SLC12A5: variants seen among roughly 807,000 people sequenced by gnomAD.
SLC12A5 encodes the protein solute carrier family 12 member 5, also known as K-Cl cotransporter 2.
A neutral mutation model predicts 124.0 loss-of-function variants in SLC12A5; 18 were observed. The ratio of observed to expected loss-of-function variants is 0.15; its 90% CI spans 0.10 to 0.22. The LOEUF (loss-of-function observed/expected upper bound fraction) is 0.22. Among genes scored for constraint, SLC12A5 ranks in the 10% least tolerant of loss-of-function variants. The pLI is 1.00. For missense variants in SLC12A5, 867 were observed against 1,478.7 expected, an observed-to-expected ratio of 0.59 and a Z score of 6.78; for synonymous variants, 589 against 568.0, an observed-to-expected ratio of 1.04 and a Z score of -0.53.
At position 46,042,537 on chromosome 20, in the gene SLC12A5, G is replaced by C. The variant is rs148435798; in HGVS notation, c.1067-616G>C. Reference sequence around the variant, plus strand: ...GACGTTTTTGGTTGTCAAAACTGGAGGGGTGTACCTGGCATCTAGTAGGTA... The same window carrying C: ...GACGTTTTTGGTTGTCAAAACTGGACGGGTGTACCTGGCATCTAGTAGGTA... On this transcript the variant is annotated intron_variant, in intron 8 of 25. Coordinates refer to ENST00000243964, the MANE Select transcript of SLC12A5 (RefSeq NM_020708.5). 3.6e-3 allele frequency among the ~76,000 whole-genome samples: 542 copies of C among 152,194 alleles called. 6 individuals carry two copies. The highest frequency in any genetic ancestry group is 0.013 in the African/African-American group (527 of 41,516).
Position 46,051,854 on chromosome 20 carries a change from G to C in SLC12A5, c.2361G>C (p.Thr787=). The C allele has an allele frequency of 6.4e-7, 1 of 1,569,972 alleles. No individual in the cohort carries two copies. The highest frequency in any genetic ancestry group is 8.6e-7 in the Non-Finnish European group (1 of 1,161,772). Residue 787 remains threonine (T), a synonymous_variant, in exon 18 of 26, where the codon ACG becomes ACC. Coordinates refer to ENST00000243964, the MANE Select transcript of SLC12A5 (RefSeq NM_020708.5). ...GGCGCCAGAAGGAAGATCATCAGAC[G>C]TGGAGGAACTTCATTGGTAACGCTA... ...RNWRQKEDHQ[T]WRNFIELVRE...
intron 9 of SLC12A5, 69 bp downstream of exon 9, chr20:46,043,392 G>A (rs1013449769): frequency 6.4e-7 from 1 of 1,554,068 alleles, no homozygotes; most frequent in African/African-American, 1.4e-5. Context: ...CGATGATGAT[G>A]TTGGGAATTT....
rs774598379 is a variant in SLC12A5 at position 46,044,956 on chromosome 20, A to G, written c.1395-10A>G. On this transcript the variant is annotated splice_polypyrimidine_tract_variant and intron_variant, in intron 11 of 25. Coordinates refer to ENST00000243964, the MANE Select transcript of SLC12A5 (RefSeq NM_020708.5). ...TGCTCACCTGGCATCTCCTGTCCAC[A>G]TCATTCCAGGTTTGGCGAAGCTGTG... 1 of 1,614,202 alleles carries G rather than the reference A, an allele frequency of 6.2e-7. No homozygotes were observed. The highest frequency in any genetic ancestry group is 1.7e-5 in the Admixed American group (1 of 60,024).
chr20:46,045,919 C>A lies in SLC12A5; in HGVS notation c.1611C>A (p.Ala537=). Residue 537 remains alanine (A), a synonymous_variant, in exon 13 of 26, where the codon GCC becomes GCA. Coordinates refer to ENST00000243964, the MANE Select transcript of SLC12A5 (RefSeq NM_020708.5). The surrounding 1 kb of genome is among the most constrained non-coding windows in gnomAD (Gnocchi z 4.9). The part of the protein sequence containing the change: ...HGKANGEPTW[A]LLLTACICEI... Reference sequence around the variant, plus strand: ...AGGCCAATGGAGAGCCGACCTGGGCCCTGCTCCTGACTGCCTGCATCTGCG... The same window carrying A: ...AGGCCAATGGAGAGCCGACCTGGGCACTGCTCCTGACTGCCTGCATCTGCG... 1.2e-6 allele frequency: 2 copies of A among 1,614,202 alleles called. No homozygotes were observed. Among genetic ancestry groups the A allele is most frequent in the Non-Finnish European group, 1.7e-6 (2 of 1,180,038 alleles).
chr20:46,058,745 A>C lies in SLC12A5; in HGVS notation c.*1140A>C, dbSNP rs1323816439. 2.8e-5 allele frequency: 11 copies of C among 398,522 alleles called. No homozygotes were observed. Among genetic ancestry groups the C allele is most frequent in the Non-Finnish European group, 4.4e-5 (10 of 226,058 alleles). The allele number at this position is 398,522 out of a possible 1,614,324, so 24.7% of individuals were successfully genotyped here. On this transcript the variant is annotated 3_prime_UTR_variant, in exon 26 of 26. Transcript: ENST00000243964. This position sits in a 1 kb window ranked among gnomAD's most constrained non-coding sequence, Gnocchi z 5.8. ...TCCTCCCTGGGACAAGTGAGGGAGG[A>C]GGGGGCCGATTCTGGTTTAGGGGCC...
chr20:46,029,514 G>A, intron 1 of SLC12A5, 118 bp downstream of exon 1: 1 of 1,147,020 alleles, frequency 8.7e-7, no homozygotes, highest in Non-Finnish European at 1.2e-6. Flanking sequence ...TGACCCGGGC[G>A]GTGGGCGCCA....
intron 20 of SLC12A5, among the ~76,000 whole-genome samples, chr20:46,054,392 G>A (rs1286464510): frequency 6.6e-6 from 1 of 152,194 alleles, no homozygotes; most frequent in Admixed American, 6.5e-5. Flanking sequence ...CCTGGTGGAG[G>A]CAGGATTCAA....
Position 46,035,425 on chromosome 20 carries a change from A to G in SLC12A5, c.169A>G (p.Met57Val), listed in dbSNP as rs2084488683. 1 of 1,613,862 alleles carries G rather than the reference A, an allele frequency of 6.2e-7. No individual in the cohort carries two copies. The highest frequency in any genetic ancestry group is 8.5e-7 in the Non-Finnish European group (1 of 1,179,918). ...ATAGGAGGAGATGGACACCAGCCCT[A>G]TGGTGTCCTCCTTGCTCAGTGGCCT... Reference protein sequence around the residue: ...LFEEEMDTSPMVSSLLSGLAN... With the variant: ...LFEEEMDTSPVVSSLLSGLAN... Residue 57 changes from methionine (M) to valine (V), a missense_variant, in exon 3 of 26, where the codon ATG (methionine) becomes GTG (valine). By Grantham distance (21) the Met-to-Val change is conservative. Around this residue, in one of 9 missense-constraint regions of SLC12A5, gnomAD observed 126 missense variants for 291.6 expected, o/e 0.43. Coordinates refer to ENST00000243964, the MANE Select transcript of SLC12A5 (RefSeq NM_020708.5).
intron 13 of SLC12A5, 87 bp from the exon 14 acceptor site, chr20:46,046,251 C>G (rs1232587597): frequency 6.3e-6 from 8 of 1,263,732 alleles, no homozygotes; most frequent in Middle Eastern, 3.7e-4. Flanking sequence ...TTCCTGTCCC[C>G]TTTCCCCCTT....
At chr20:46,030,386 T>A (rs779001508) in intron 1 of SLC12A5, among the ~76,000 whole-genome samples, 2 of 152,196 alleles carry the variant, frequency 1.3e-5, no homozygotes, top group Non-Finnish European at 2.9e-5. Flanking sequence ...GTCCTTTCGC[T>A]GCTCCCGCTC....
chr20:46,024,863 C>A (rs913033459), upstream of SLC12A5, among the ~76,000 whole-genome samples: 8 of 152,318 alleles, frequency 5.3e-5, no homozygotes, highest in African/African-American at 1.9e-4. Context: ...CTGAGATGCT[C>A]CCCTATTCCT....
intron 1 of SLC12A5, among the ~76,000 whole-genome samples, chr20:46,032,634 C>G (rs2084463943): frequency 6.6e-6 from 1 of 152,136 alleles, no homozygotes; most frequent in South Asian, 2.1e-4. Context: ...GAAACTGAGG[C>G]GTAGAGAATT....
At chr20:46,030,136 C>T (rs1055938281) in intron 1 of SLC12A5, among the ~76,000 whole-genome samples, 1 of 152,084 alleles carries the variant, frequency 6.6e-6, no homozygotes, top group Admixed American at 6.5e-5. Context: ...CCCGTGGGTT[C>T]CTATTCAGGA....
rs537760777 is a variant in SLC12A5 at position 46,041,547 on chromosome 20, G to T, written c.1066+7G>T. On this transcript the variant is annotated splice_region_variant and intron_variant, in intron 8 of 25. Transcript: ENST00000243964. ...GCCAGTGGCCTCATCAAAGGTCTGC[G>T]GAGGGACAAGGGCTGGCATCCAGGG... is the stretch of plus-strand genomic sequence containing the variant. The T allele has an allele frequency of 6.2e-7, 1 of 1,613,354 alleles. No individual in the cohort carries two copies.
chr20:46,043,393 T>A, intron 9 of SLC12A5, 70 bp downstream of exon 9: 1 of 1,553,374 alleles, frequency 6.4e-7, no homozygotes, highest in Non-Finnish European at 8.8e-7. Context: ...GATGATGATG[T>A]TGGGAATTTC....
upstream of SLC12A5, among the ~76,000 whole-genome samples, chr20:46,025,642 G>A (rs2084391212): frequency 6.6e-6 from 1 of 152,190 alleles, no homozygotes; most frequent in Admixed American, 6.5e-5. Flanking sequence ...TTGGGGTGCT[G>A]TTGCTATGGT....
At chr20:46,050,114 T>A (rs2084635064) in intron 17 of SLC12A5, among the ~76,000 whole-genome samples, 1 of 152,244 alleles carries the variant, frequency 6.6e-6, no homozygotes, top group Non-Finnish European at 1.5e-5. Context: ...GACTCCTTCC[T>A]GCCAAAGTAT....
downstream of SLC12A5, among the ~76,000 whole-genome samples, chr20:46,024,141 C>CTGTGTG (rs3222615): frequency 5.1e-3 from 749 of 147,732 alleles, 3 homozygotes; most frequent in East Asian, 0.012. Context: ...GTGGCAGAGG[C>CTGTGTG]TGTGTGTGTG....
chr20:46,043,408 T>A, intron 9 of SLC12A5, 85 bp downstream of exon 9: 1 of 1,505,368 alleles, frequency 6.6e-7, no homozygotes, highest in Non-Finnish European at 9.1e-7. Flanking sequence ...AATTTCTTAG[T>A]CCAAAAACCC....
Sources: allele counts gnomAD v4.1 joint callset (sites outside exome capture counted in the v4.1 genomes callset), GRCh38; gene constraint gnomAD v4.1.1; regional missense constraint gnomAD v4.1.1; non-coding constraint Gnocchi (gnomAD v3.1); transcripts MANE v1.5; gene names NCBI Gene and HGNC (gene_info 2026-07-23, HGNC 2026-07-21).